PRMT7: variants seen among roughly 807,000 people sequenced by gnomAD.
The protein encoded by PRMT7 is protein arginine methyltransferase 7.
A neutral mutation model predicts 85.4 loss-of-function variants in PRMT7; 75 were observed. The ratio of observed to expected loss-of-function variants is 0.88; its 90% CI spans 0.73 to 1.06. PRMT7 has a LOEUF of 1.06. PRMT7 is among the 50% of genes least tolerant of loss of function. PRMT7 has a pLI of 0.00. For synonymous variants in PRMT7, 397 were observed against 359.5 expected (o/e 1.10, Z -1.18); for missense variants, 868 against 915.2 (o/e 0.95, Z 0.67).
rs1334982628 is a variant in PRMT7, at chr16:68,321,476, G to A, written c.132+14G>A. 3 of 1,601,012 alleles carry A rather than the reference G, an allele frequency of 1.9e-6. No homozygotes were observed. Among genetic ancestry groups the A allele is most frequent in the Non-Finnish European group, 2.6e-6 (3 of 1,170,526 alleles). ...GACAAAGACAGAGTAAGTGTAAAAG[G>A]AAACTATTATCTTGATGTGGGGTGT... On this transcript the variant is annotated intron_variant, in intron 4 of 18. Coordinates refer to ENST00000441236, the MANE Select transcript of PRMT7 (RefSeq NM_019023.5).
At chr16:68,332,803 C>T (rs1246225948) in intron 6 of PRMT7, among the ~76,000 whole-genome samples, 3 of 152,216 alleles carry the variant, frequency 2.0e-5, no homozygotes, top group Non-Finnish European at 4.4e-5. Context: ...TGGAAAGGGT[C>T]TCCTGGCTGA....
At chr16:68,337,623 A>G (rs745576112) in intron 7 of PRMT7, 52 bp downstream of exon 7, 8 of 1,279,594 alleles carry the variant, frequency 6.3e-6, no homozygotes, top group South Asian at 2.6e-5. Flanking sequence ...GCCAGCTCAC[A>G]TAGCACTCAC....
Position 68,315,991 on chromosome 16 carries a change from C to T in PRMT7, c.12C>T (p.Phe4=). MKI[F]CSRANPTTGS... is the part of the protein sequence containing the mutation. ...AGCTAGTGGGCACCATGAAGATCTT[C>T]TGCAGTCGGGCCAATCCGACCACGG... The change falls in exon 3 of 19, where the codon TTC becomes TTT. Residue 4 remains phenylalanine (F), a synonymous_variant. Coordinates refer to ENST00000441236, the MANE Select transcript of PRMT7 (RefSeq NM_019023.5). 1 of 1,613,610 alleles carries T rather than the reference C, an allele frequency of 6.2e-7. No homozygotes were observed. Among genetic ancestry groups the T allele is most frequent in the South Asian group, 1.1e-5 (1 of 90,828 alleles).
At chr16:68,338,133 T>G (rs1007002660) in intron 7 of PRMT7, among the ~76,000 whole-genome samples, 3 of 152,152 alleles carry the variant, frequency 2.0e-5, no homozygotes, top group African/African-American at 7.2e-5. Flanking sequence ...AGCAGACTTA[T>G]GCAGGCAGAT....
intron 3 of PRMT7, among the ~76,000 whole-genome samples, chr16:68,321,136 G>A (rs1325984211): frequency 6.6e-6 from 1 of 152,022 alleles, no homozygotes; most frequent in Non-Finnish European, 1.5e-5. Flanking sequence ...AGGCGTGGTG[G>A]TGAGCACCTG....
chr16:68,315,168 AC>A (rs2044547245), intron 2 of PRMT7: 1 of 151,560 alleles, frequency 6.6e-6, no homozygotes, highest in Non-Finnish European at 1.5e-5. Flanking sequence ...TGTTCCCACC[AC>A]CCAATTTAAG....
At chr16:68,311,772 C>G (rs9934232) in intron 1 of PRMT7, 84,936 of 151,892 alleles carry the variant, frequency 0.56, 24,064 homozygotes, top group East Asian at 0.78. Flanking sequence ...TGTAAAAACT[C>G]TTCCCCAACT....
intron 4 of PRMT7, among the ~76,000 whole-genome samples, chr16:68,323,272 G>T (rs572357412): frequency 3.0e-4 from 43 of 141,434 alleles, no homozygotes; most frequent in Admixed American, 2.9e-3. Context: ...AGGCTTTAGT[G>T]CAGTGGTGTG....
intron 5 of PRMT7, among the ~76,000 whole-genome samples, chr16:68,325,994 G>A (rs911414442): frequency 1.4e-4 from 21 of 151,952 alleles, no homozygotes; most frequent in Non-Finnish European, 5.9e-5. Flanking sequence ...AACAGCTTGA[G>A]CCCACAGAGC....
intron 5 of PRMT7, among the ~76,000 whole-genome samples, chr16:68,328,847 C>T (rs1193099570): frequency 2.0e-5 from 3 of 152,150 alleles, no homozygotes; most frequent in African/African-American, 4.8e-5. Flanking sequence ...CCTCAGGATC[C>T]CCGGCATCCC....
At chr16:68,347,775 G>A (rs909664486) in intron 13 of PRMT7, 97 bp downstream of exon 13, 8 of 1,172,038 alleles carry the variant, frequency 6.8e-6, no homozygotes, top group African/African-American at 4.5e-5. Flanking sequence ...ACAAAGGAGT[G>A]GTGGCTCGCT....
At chr16:68,341,081 T>C (rs960533315) in intron 9 of PRMT7, among the ~76,000 whole-genome samples, 1 of 152,214 alleles carries the variant, frequency 6.6e-6, no homozygotes, top group African/African-American at 2.4e-5. Context: ...ACTGACTGCA[T>C]CTGGGAATGG....
intron 7 of PRMT7, 72 bp downstream of exon 7, chr16:68,337,643 G>T: frequency 9.9e-7 from 1 of 1,005,852 alleles, no homozygotes; most frequent in South Asian, 1.7e-5. Flanking sequence ...CTCATGCACC[G>T]TGTCCCACAC....
chr16:68,357,081 A>C lies in PRMT7; in HGVS notation c.1936A>C (p.Lys646Gln). ...GGGCTGCTGCTGGAACCCCCACTGCAAGCAGGCCGTCTACTTCTTCAGCCC... is the reference window on the plus strand; with the variant it reads ...GGGCTGCTGCTGGAACCCCCACTGCCAGCAGGCCGTCTACTTCTTCAGCCC... ...EGGCCWNPHC[K>Q]QAVYFFSPAP... is the part of the protein sequence containing the mutation. The change falls in exon 19 of 19, where the codon AAG (lysine) becomes CAG (glutamine). Residue 646 changes from lysine (K) to glutamine (Q), a missense_variant. Physicochemically the swap from Lys to Gln is moderately conservative, Grantham distance 53. Coordinates refer to ENST00000441236, the MANE Select transcript of PRMT7 (RefSeq NM_019023.5). 1.9e-6 allele frequency: 3 copies of C among 1,611,630 alleles called. No individual in the cohort carries two copies. The Admixed American group carries it at 5.0e-5, about 27-fold the overall frequency.
At chr16:68,316,267 G>A in intron 3 of PRMT7, 193 bp downstream of exon 3, 1 of 561,268 alleles carries the variant, frequency 1.8e-6, no homozygotes. Flanking sequence ...CCTGTTTGGA[G>A]AGTCAGACAT....
intron 5 of PRMT7, among the ~76,000 whole-genome samples, chr16:68,325,193 A>C (rs1316244078): frequency 6.6e-6 from 1 of 152,174 alleles, no homozygotes; most frequent in African/African-American, 2.4e-5. Context: ...TCCCATCTCT[A>C]CAGAAAAACT....
At chr16:68,336,398 T>G (rs550874071) in intron 6 of PRMT7, among the ~76,000 whole-genome samples, 1 of 152,310 alleles carries the variant, frequency 6.6e-6, no homozygotes, top group African/African-American at 2.4e-5. Flanking sequence ...GACAAGGCGC[T>G]TTCATTAAGG....
At position 68,355,847 on chromosome 16, in the gene PRMT7, A is replaced by G; in HGVS notation, c.1775A>G (p.Gln592Arg). ...GACTTCCAGCAGCCGGTGCCCCTGC[A>G]GCCCCTGTGTGCCGAGGGCACCGTG... ...TFDFQQPVPL[Q>R]PLCAEGTVEL... is the part of the protein sequence containing the mutation. The change falls in exon 17 of 19, where the codon CAG becomes CGG. Residue 592 changes from glutamine to arginine, a missense_variant. Gln to Arg is a conservative substitution (Grantham distance 43). Transcript: ENST00000441236. The G allele has an allele frequency of 6.2e-7, 1 of 1,608,392 alleles. No homozygotes were observed. The highest frequency in any genetic ancestry group is 8.5e-7 in the Non-Finnish European group (1 of 1,179,178).
intron 9 of PRMT7, among the ~76,000 whole-genome samples, chr16:68,343,783 A>C (rs2085900299): frequency 6.6e-6 from 1 of 152,112 alleles, no homozygotes; most frequent in South Asian, 2.1e-4. Flanking sequence ...TCTAGTTTTT[A>C]TGTTCAAGTA....
Sources: allele counts gnomAD v4.1 joint callset (sites outside exome capture counted in the v4.1 genomes callset), GRCh38; gene constraint gnomAD v4.1.1; transcripts MANE v1.5; gene names NCBI Gene and HGNC (gene_info 2026-07-23, HGNC 2026-07-21).